The following NPFFR2 variants were observed in gnomAD, a reference collection of about 807,000 sequenced individuals.
The protein encoded by NPFFR2 is neuropeptide FF receptor 2.
NPFFR2 carries 15 observed loss-of-function variants against 13.1 expected under a neutral mutation model. That is an observed-to-expected ratio of 1.15 (90% CI 0.77 to 1.76). The LOEUF (loss-of-function observed/expected upper bound fraction) is 1.76, where lower values mean the gene tolerates loss of function less well. NPFFR2 is among the 40% of genes most tolerant of loss of function. The pLI is 0.00. For missense variants in NPFFR2, 572 were observed against 503.5 expected, an observed-to-expected ratio of 1.14 and a Z score of -1.30; for synonymous variants, 190 against 175.7, an observed-to-expected ratio of 1.08 and a Z score of -0.65.
chr4:72,134,380 A>G (rs1358627688), intron 2 of NPFFR2, among the ~76,000 whole-genome samples: 1 of 152,078 alleles, frequency 6.6e-6, no homozygotes, highest in Admixed American at 6.6e-5. Context: ...TCTAAATAAC[A>G]TGTTTTCAAT....
intron 1 of NPFFR2, among the ~76,000 whole-genome samples, chr4:72,070,561 G>GTGTGTGTGTGTGTGTGTGTGTGTGTGTGT (rs368654718): frequency 7.6e-6 from 1 of 131,572 alleles, no homozygotes; most frequent in African/African-American, 3.1e-5. Flanking sequence ...GTGTGTGTGT[G>GTGTGTGTGTGTGTGTGTGTGTGTGTGTGT]GGGGGGGGGG....
chr4:72,097,960 T>C (rs1038646094), intron 1 of NPFFR2, among the ~76,000 whole-genome samples: 1 of 77,120 alleles, frequency 1.3e-5, no homozygotes, highest in Non-Finnish European at 2.8e-5. Flanking sequence ...TCCTTTATAT[T>C]CTTCCTACAC....
At chr4:72,054,690 CAA>C (rs1221064708) in intron 1 of NPFFR2, among the ~76,000 whole-genome samples, 6 of 151,620 alleles carry the variant, frequency 4.0e-5, no homozygotes, top group African/African-American at 1.5e-4. Flanking sequence ...GTTGAGAAAA[CAA>C]AGAGACAAAC....
intron 1 of NPFFR2, among the ~76,000 whole-genome samples, chr4:72,096,058 T>G (rs1177573860): frequency 6.6e-6 from 1 of 152,214 alleles, no homozygotes; most frequent in Non-Finnish European, 1.5e-5. Context: ...GGATAGAAGT[T>G]CTAAGGATAT....
At chr4:72,092,369 C>A (rs1720937299) in intron 1 of NPFFR2, among the ~76,000 whole-genome samples, 1 of 151,820 alleles carries the variant, frequency 6.6e-6, no homozygotes, top group African/African-American at 2.4e-5. Flanking sequence ...TCTTGGGTAC[C>A]ATTTAAGTCC....
chr4:72,146,008 G>C (rs941865061), intron 3 of NPFFR2, among the ~76,000 whole-genome samples: 5 of 152,126 alleles, frequency 3.3e-5, no homozygotes, highest in South Asian at 2.1e-4. Flanking sequence ...CTGAATTTTT[G>C]TACTCACCAG....
At chr4:72,045,187 A>T (rs1719340150) in intron 1 of NPFFR2, among the ~76,000 whole-genome samples, 1 of 152,146 alleles carries the variant, frequency 6.6e-6, no homozygotes, top group African/African-American at 2.4e-5. Context: ...GTCAAAAATC[A>T]GTTCACTATA....
intron 1 of NPFFR2, among the ~76,000 whole-genome samples, chr4:72,104,486 G>C (rs937288597): frequency 6.6e-6 from 1 of 151,986 alleles, no homozygotes; most frequent in Non-Finnish European, 1.5e-5. Context: ...TCTGAAGAAT[G>C]GCAAACTACC....
chr4:72,052,796 G>A (rs1238938939), intron 1 of NPFFR2, among the ~76,000 whole-genome samples: 1 of 151,942 alleles, frequency 6.6e-6, no homozygotes, highest in Non-Finnish European at 1.5e-5. Flanking sequence ...TTTGAAGCCT[G>A]CTACCTGGAG....
chr4:72,041,827 A>G (rs1019920715), intron 1 of NPFFR2, among the ~76,000 whole-genome samples: 7 of 152,042 alleles, frequency 4.6e-5, no homozygotes, highest in African/African-American at 1.7e-4. Flanking sequence ...TCCTATGTTC[A>G]CTTTTTAATG....
chr4:72,121,938 G>A (rs1046851579), intron 1 of NPFFR2, among the ~76,000 whole-genome samples: 1 of 152,088 alleles, frequency 6.6e-6, no homozygotes, highest in Non-Finnish European at 1.5e-5. Context: ...AATGCCCCAA[G>A]TAAAAGACAC....
chr4:72,059,829 T>G (rs936299014), intron 1 of NPFFR2, among the ~76,000 whole-genome samples: 1 of 152,248 alleles, frequency 6.6e-6, no homozygotes, highest in South Asian at 2.1e-4. Flanking sequence ...TAATGTTCTA[T>G]TATTATCTGA....
intron 1 of NPFFR2, among the ~76,000 whole-genome samples, chr4:72,078,739 A>G (rs2109790777): frequency 6.6e-6 from 1 of 152,288 alleles, no homozygotes; most frequent in South Asian, 2.1e-4. Context: ...GAGAATAGAA[A>G]AAGCAGAACT....
chr4:72,062,664 C>A (rs1338204002), intron 1 of NPFFR2, among the ~76,000 whole-genome samples: 1 of 151,994 alleles, frequency 6.6e-6, no homozygotes. Flanking sequence ...CTTTTTTTTC[C>A]CAACAAAATG....
At position 72,112,637 on chromosome 4, in the gene NPFFR2, T is replaced by C. The variant is rs140524971; in HGVS notation, c.-7-15948T>C. ...TGATCATCAAATAGACAGGTTGGTG[T>C]TGGTCATTCACACCATGCCTGAAGC... On this transcript the variant is annotated intron_variant, in intron 1 of 3. Coordinates refer to ENST00000308744, the MANE Select transcript of NPFFR2 (RefSeq NM_004885.3). 8.2e-4 allele frequency among the ~76,000 whole-genome samples: 125 copies of C among 152,110 alleles called. No individual in the cohort carries two copies. In the East Asian group the frequency reaches 0.013, roughly 15 times the overall value.
intron 1 of NPFFR2, among the ~76,000 whole-genome samples, chr4:72,126,548 C>A (rs1314468594): frequency 6.6e-6 from 1 of 152,238 alleles, no homozygotes; most frequent in East Asian, 1.9e-4. Context: ...ATAATAAACA[C>A]TTCCTATACT....
intron 1 of NPFFR2, among the ~76,000 whole-genome samples, chr4:72,065,398 G>A (rs1192928284): frequency 6.6e-6 from 1 of 152,020 alleles, no homozygotes; most frequent in Non-Finnish European, 1.5e-5. Context: ...GAAATGACAG[G>A]CAATCACTAA....
chr4:72,079,830 C>A (rs1030301742), intron 1 of NPFFR2, among the ~76,000 whole-genome samples: 1 of 152,148 alleles, frequency 6.6e-6, no homozygotes, highest in African/African-American at 2.4e-5. Context: ...CCCTGCAACC[C>A]TGTAGATTGA....
chr4:72,092,515 G>A (rs1198397055), intron 1 of NPFFR2, among the ~76,000 whole-genome samples: 1 of 152,056 alleles, frequency 6.6e-6, no homozygotes, highest in Admixed American at 6.6e-5. Flanking sequence ...AAATTTGGGA[G>A]CTCCAGTGTT....
Sources: gnomAD v4.1 joint callset for allele counts (sites outside exome capture counted in the v4.1 genomes callset) on GRCh38, gnomAD v4.1.1 for gene constraint, MANE v1.5 for transcripts, NCBI Gene and HGNC (gene_info 2026-07-23, HGNC 2026-07-21) for gene names.